The following RGS21 variants were observed in gnomAD, a reference collection of about 807,000 sequenced individuals.
RGS21 encodes regulator of G-protein signalling 21.
Under a neutral mutation model 18.7 loss-of-function variants are expected in RGS21, and 19 were observed. The observed-to-expected ratio is 1.01, with a 90% CI of 0.71 to 1.49. The LOEUF (loss-of-function observed/expected upper bound fraction) is 1.49, where lower values mean the gene tolerates loss of function less well. RGS21 is among the 40% of genes most tolerant of loss of function. RGS21 has a pLI of 0.00. For missense variants in RGS21, 194 were observed against 176.8 expected, an observed-to-expected ratio of 1.10 and a Z score of -0.55; for synonymous variants, 56 against 57.8, an observed-to-expected ratio of 0.97 and a Z score of 0.14.
chr1:192,337,588 G>A (rs559371181), intron 1 of RGS21, among the ~76,000 whole-genome samples: 2 of 152,116 alleles, frequency 1.3e-5, no homozygotes, highest in African/African-American at 2.4e-5. Flanking sequence ...ATAGTTTAAC[G>A]GATGCTGTGT....
intron 1 of RGS21, among the ~76,000 whole-genome samples, chr1:192,324,768 T>A (rs1225168840): frequency 2.0e-5 from 3 of 152,096 alleles, no homozygotes; most frequent in African/African-American, 4.8e-5. Context: ...ACACTACTTA[T>A]CCTAACTTCG....
intron 1 of RGS21, among the ~76,000 whole-genome samples, chr1:192,318,509 T>A (rs575417702): frequency 1.3e-5 from 2 of 152,238 alleles, no homozygotes; most frequent in South Asian, 4.1e-4. Flanking sequence ...CAGGCCTTTA[T>A]GCGATGTTGT....
chr1:192,334,683 C>T (rs2102226581), intron 1 of RGS21, among the ~76,000 whole-genome samples: 1 of 152,164 alleles, frequency 6.6e-6, no homozygotes, highest in South Asian at 2.1e-4. Context: ...AAAGTTTAAA[C>T]AGACAGTAGG....
chr1:192,324,402 T>A (rs936983425), intron 1 of RGS21, among the ~76,000 whole-genome samples: 2 of 152,094 alleles, frequency 1.3e-5, no homozygotes, highest in Admixed American at 1.3e-4. Context: ...AGATAAGGCA[T>A]TAGCAGTTGC....
At chr1:192,348,744 T>A (rs1294581959) in intron 3 of RGS21, among the ~76,000 whole-genome samples, 1 of 151,110 alleles carries the variant, frequency 6.6e-6, no homozygotes, top group Non-Finnish European at 1.5e-5. Flanking sequence ...AATGACACTG[T>A]GAAACACAGA....
chr1:192,333,269 TACACACACAC>T (rs137948736), intron 1 of RGS21, among the ~76,000 whole-genome samples: 23 of 142,920 alleles, frequency 1.6e-4, no homozygotes, highest in Non-Finnish European at 2.6e-4. Context: ...GTTTCTTAAA[TACACACACAC>T]ACACACACAC....
At chr1:192,340,548 T>C (rs1658843258) in intron 1 of RGS21, among the ~76,000 whole-genome samples, 1 of 152,142 alleles carries the variant, frequency 6.6e-6, no homozygotes, top group Non-Finnish European at 1.5e-5. Context: ...CCTAGATGTA[T>C]TCATTTTCTA....
intron 1 of RGS21, among the ~76,000 whole-genome samples, chr1:192,330,269 C>A (rs1658627764): frequency 6.6e-6 from 1 of 152,104 alleles, no homozygotes; most frequent in Admixed American, 6.6e-5. Context: ...GGAAATCATG[C>A]AAGCAAAGCT....
intron 1 of RGS21, among the ~76,000 whole-genome samples, chr1:192,318,633 T>G (rs1658451863): frequency 6.6e-6 from 1 of 152,154 alleles, no homozygotes; most frequent in Non-Finnish European, 1.5e-5. Context: ...CTGTCTTTAT[T>G]GATGGGTTTT....
rs1245929862 is a variant in RGS21 at position 192,366,589 on chromosome 1, T to G, written c.*465T>G. ...TTTTTTTCTGCCATTTCTTTCCAAC[T>G]ATTTCTAATAATGTGGTTATGAAAA... On this transcript the variant is annotated 3_prime_UTR_variant, in exon 5 of 5. Transcript: ENST00000417209. The G allele has an allele frequency of 6.5e-6, 1 of 152,836 alleles. No homozygotes were observed. Among genetic ancestry groups the G allele is most frequent in the Non-Finnish European group, 1.5e-5 (1 of 68,578 alleles). 9.5% of individuals were successfully genotyped at this position (152,836 alleles called of 1,614,324 possible). A position where few individuals can be genotyped will look rare whatever the true frequency, so the allele number is the denominator to read the frequency against.
chr1:192,347,313 A>T lies in RGS21; in HGVS notation c.12A>T (p.Lys4Asn). 6.3e-7 allele frequency: 1 copy of T among 1,585,938 alleles called. No homozygotes were observed. The highest frequency in any genetic ancestry group is 8.7e-7 in the Non-Finnish European group (1 of 1,155,774). The change falls in exon 3 of 5, where the codon AAA becomes AAT. Residue 4 changes from lysine (K) to asparagine (N), a missense_variant and splice_region_variant. Physicochemically the swap from Lys to Asn is moderately conservative, Grantham distance 94. Coordinates refer to ENST00000417209, the MANE Select transcript of RGS21 (RefSeq NM_001039152.3). MPV[K>N]CCFYRSPTAE... ...ATCACAATGCTATTGTCAAGGTTAG[A>T]TGCTGTTTCTACAGGTCACCAACTG...
At chr1:192,317,273 T>G (rs1339354079) in intron 1 of RGS21, among the ~76,000 whole-genome samples, 168 bp downstream of exon 1, 2 of 151,904 alleles carry the variant, frequency 1.3e-5, no homozygotes, top group East Asian at 3.9e-4. Flanking sequence ...TTGGTAACAT[T>G]TGCAGAAAAT....
chr1:192,363,619 T>G (rs951890882), intron 4 of RGS21, among the ~76,000 whole-genome samples: 1 of 152,154 alleles, frequency 6.6e-6, no homozygotes, highest in Non-Finnish European at 1.5e-5. Flanking sequence ...TCGTGCCACT[T>G]AACTGCACAA....
At chr1:192,365,857 T>G in intron 4 of RGS21, 64 bp from the exon 5 acceptor site, 3 of 851,918 alleles carry the variant, frequency 3.5e-6, no homozygotes, top group Non-Finnish European at 1.9e-6. Flanking sequence ...AAATAATATA[T>G]ATGTATAAAC....
Position 192,334,701 on chromosome 1 carries a change from T to C in RGS21, c.-60-8276T>C, listed in dbSNP as rs141665451. 5.8e-3 allele frequency among the ~76,000 whole-genome samples: 889 copies of C among 152,264 alleles called. 10 individuals are homozygous for C. Among genetic ancestry groups the C allele is most frequent in the African/African-American group, 0.02 (821 of 41,570 alleles). Reference sequence around the variant, plus strand: ...GTTTAAACAGACAGTAGGAAATATGTGGTATTTATGAGTATGTATATTTAA... The same window carrying C: ...GTTTAAACAGACAGTAGGAAATATGCGGTATTTATGAGTATGTATATTTAA... On this transcript the variant is annotated intron_variant, in intron 1 of 4. Transcript: ENST00000417209.
At chr1:192,326,218 T>G (rs1455758746) in intron 1 of RGS21, among the ~76,000 whole-genome samples, 1 of 152,106 alleles carries the variant, frequency 6.6e-6, no homozygotes, top group African/African-American at 2.4e-5. Context: ...CTTTTTATGT[T>G]ATACCACTTA....
chr1:192,347,386 C>G lies in RGS21; in HGVS notation c.85C>G (p.Gln29Glu), dbSNP rs1182144113. The G allele has an allele frequency of 1.5e-5, 24 of 1,552,272 alleles. No individual in the cohort carries two copies. The East Asian group carries it at 5.2e-4, about 33-fold the overall frequency. The change falls in exon 3 of 5, where the codon CAA (glutamine) becomes GAA (glutamate). Residue 29 changes from glutamine to glutamate, a missense_variant. Transcript: ENST00000417209. Reference protein sequence around the residue: ...SENMDTLLANQAGLDAFRIFL... With the variant: ...SENMDTLLANEAGLDAFRIFL... The stretch of plus-strand genomic sequence containing the variant: ...AAATATGGACACGCTTTTAGCCAAC[C>G]AAGGTAAGATTTAACTAATAATAGG...
At chr1:192,330,884 A>C (rs1658637008) in intron 1 of RGS21, among the ~76,000 whole-genome samples, 1 of 152,238 alleles carries the variant, frequency 6.6e-6, no homozygotes, top group Non-Finnish European at 1.5e-5. Flanking sequence ...ATTGAAAATG[A>C]ATTCAGTTTT....
chr1:192,360,688 C>T (rs1305150716), intron 4 of RGS21, among the ~76,000 whole-genome samples: 2 of 152,150 alleles, frequency 1.3e-5, no homozygotes, highest in Non-Finnish European at 1.5e-5. Context: ...TTAACAAGAT[C>T]TACAATGTCC....
Sources: gnomAD v4.1 joint callset for allele counts (sites outside exome capture counted in the v4.1 genomes callset) on GRCh38, gnomAD v4.1.1 for gene constraint, MANE v1.5 for transcripts, NCBI Gene and HGNC (gene_info 2026-07-23, HGNC 2026-07-21) for gene names.